Variants in RIMS1 observed in about 807,000 individuals in gnomAD.
The protein encoded by RIMS1 is regulating synaptic membrane exocytosis protein 1.
Under a neutral mutation model 214.1 loss-of-function variants are expected in RIMS1, and 83 were observed. That is an observed-to-expected ratio of 0.39 (90% CI 0.32 to 0.47). RIMS1 has a LOEUF of 0.47. RIMS1 is among the 20% of genes least tolerant of loss of function. The pLI, the probability that RIMS1 is intolerant of heterozygous loss-of-function variation, is 0.99. For missense variants in RIMS1, 2,050 were observed against 2,161.8 expected (o/e 0.95, Z 1.03); for synonymous variants, 793 against 786.8 (o/e 1.01, Z -0.13).
intron 19 of RIMS1, chr6:72,263,834 C>T: frequency 2.4e-6 from 1 of 425,310 alleles, no homozygotes; most frequent in Non-Finnish European, 3.1e-6. Context: ...CACACACACA[C>T]ACACACAAAT....
At chr6:72,281,649 T>C (rs797014213) in intron 23 of RIMS1, among the ~76,000 whole-genome samples, 4 of 152,034 alleles carry the variant, frequency 2.6e-5, no homozygotes, top group Admixed American at 2.6e-4. Flanking sequence ...ACCCCTGCCT[T>C]CTTATTATTT....
At chr6:72,188,966 C>T (rs2049596014) in intron 6 of RIMS1, among the ~76,000 whole-genome samples, 1 of 152,202 alleles carries the variant, frequency 6.6e-6, no homozygotes, top group Admixed American at 6.5e-5. Context: ...GCAATATTAA[C>T]TTACAGTTTA....
rs199944879 is a variant in RIMS1, at chr6:72,347,574, T to TA, written c.4366+13745dup. 9.4e-3 allele frequency among the ~76,000 whole-genome samples: 1,360 copies of TA among 144,082 alleles called. 7 individuals carry two copies. The highest frequency in any genetic ancestry group is 0.016 in the Non-Finnish European group (990 of 62,802). 94.5% of individuals were successfully genotyped at this position (144,082 alleles called of 152,430 possible). On this transcript the variant is annotated intron_variant, in intron 29 of 33. Transcript: ENST00000521978. The stretch of plus-strand genomic sequence containing the variant: ...TGTGATGTATGTAACAGAAAAATAG[T>TA]AAAAAATGTCCACTTTTATTTGACA...
intron 1 of RIMS1, among the ~76,000 whole-genome samples, chr6:71,889,467 A>G (rs1224937638): frequency 6.6e-6 from 1 of 152,208 alleles, no homozygotes; most frequent in African/African-American, 2.4e-5. Context: ...ATATCACTGT[A>G]TATGATGCTG....
At chr6:71,913,373 G>T (rs1777476046) in intron 1 of RIMS1, among the ~76,000 whole-genome samples, 1 of 152,132 alleles carries the variant, frequency 6.6e-6, no homozygotes, top group African/African-American at 2.4e-5. Flanking sequence ...AATGTATTTT[G>T]ACAGACACTA....
intron 6 of RIMS1, chr6:72,213,320 T>G (rs1174936070): frequency 1.8e-6 from 2 of 1,137,910 alleles, no homozygotes; most frequent in Admixed American, 2.8e-5. Flanking sequence ...AGTCAAAATA[T>G]TTCTATTCTC....
chr6:72,065,064 A>G (rs1372684471), intron 2 of RIMS1, among the ~76,000 whole-genome samples: 1 of 152,210 alleles, frequency 6.6e-6, no homozygotes, highest in Non-Finnish European at 1.5e-5. Context: ...AATCTAAATT[A>G]TGGTGATATG....
intron 6 of RIMS1, among the ~76,000 whole-genome samples, chr6:72,184,643 C>T (rs1343616937): frequency 6.6e-6 from 1 of 151,898 alleles, no homozygotes; most frequent in Non-Finnish European, 1.5e-5. Context: ...TAAAAAATGT[C>T]AAAAGTAGAA....
chr6:71,964,091 G>A (rs1386550799), intron 1 of RIMS1, among the ~76,000 whole-genome samples: 1 of 152,148 alleles, frequency 6.6e-6, no homozygotes, highest in African/African-American at 2.4e-5. Context: ...GTGGTGAGGG[G>A]AGCAGATTGT....
chr6:72,131,906 A>C (rs1441423341), intron 4 of RIMS1, among the ~76,000 whole-genome samples: 5 of 152,160 alleles, frequency 3.3e-5, no homozygotes. Context: ...TTCCTTGCTG[A>C]GAAAAACAAT....
chr6:72,298,786 A>G (rs2094343222), intron 26 of RIMS1, among the ~76,000 whole-genome samples: 1 of 151,806 alleles, frequency 6.6e-6, no homozygotes, highest in Non-Finnish European at 1.5e-5. Flanking sequence ...TATTGACCCA[A>G]TTTTGCAGCA....
intron 2 of RIMS1, among the ~76,000 whole-genome samples, chr6:72,077,091 G>A (rs1255970676): frequency 6.6e-6 from 1 of 152,106 alleles, no homozygotes; most frequent in African/African-American, 2.4e-5. Context: ...CTTTGCACGG[G>A]CTGCTCCATC....
chr6:72,232,924 A>T lies in RIMS1; in HGVS notation c.1679-849A>T, dbSNP rs530059022. ...AGCTCATTATTAACTAGCATGCTTT[A>T]CTCACTTTATGTTTTTCTCTTTCAA... On this transcript the variant is annotated intron_variant, in intron 6 of 33. Transcript: ENST00000521978. Among the ~76,000 whole-genome samples, 128 of 151,904 alleles carry T rather than the reference A, an allele frequency of 8.4e-4. 1 individual carries two copies. The highest frequency in any genetic ancestry group is 5.0e-3 in the South Asian group (24 of 4,828).
At chr6:72,096,097 T>C (rs2031554720) in intron 2 of RIMS1, among the ~76,000 whole-genome samples, 1 of 152,204 alleles carries the variant, frequency 6.6e-6, no homozygotes, top group African/African-American at 2.4e-5. Flanking sequence ...TTTAATCACA[T>C]TAAATGTGAA....
intron 2 of RIMS1, among the ~76,000 whole-genome samples, chr6:72,044,018 T>G (rs1350710824): frequency 6.6e-6 from 1 of 151,538 alleles, no homozygotes; most frequent in African/African-American, 2.4e-5. Flanking sequence ...AATATATTAT[T>G]AAAAATTTAT....
chr6:72,006,587 G>A (rs901418603), intron 2 of RIMS1, among the ~76,000 whole-genome samples: 9 of 152,184 alleles, frequency 5.9e-5, no homozygotes, highest in Admixed American at 3.3e-4. Context: ...AAGGAAAGGG[G>A]TGACAGATGG....
chr6:72,027,495 T>G (rs1206348642), intron 2 of RIMS1, among the ~76,000 whole-genome samples: 1 of 152,134 alleles, frequency 6.6e-6, no homozygotes, highest in Non-Finnish European at 1.5e-5. Flanking sequence ...CAAAGCAGAT[T>G]TATTATTTGC....
chr6:72,073,375 G>T (rs1035040930), intron 2 of RIMS1, among the ~76,000 whole-genome samples: 1 of 152,094 alleles, frequency 6.6e-6, no homozygotes, highest in Non-Finnish European at 1.5e-5. Context: ...ATACTTGAAG[G>T]TTAAAACTGA....
At chr6:72,043,433 T>C (rs1822030653) in intron 2 of RIMS1, among the ~76,000 whole-genome samples, 1 of 151,880 alleles carries the variant, frequency 6.6e-6, no homozygotes, top group Non-Finnish European at 1.5e-5. Flanking sequence ...GGAAAGTTCC[T>C]GATGACCTGT....
Sources: allele counts gnomAD v4.1 joint callset (sites outside exome capture counted in the v4.1 genomes callset), GRCh38; gene constraint gnomAD v4.1.1; transcripts MANE v1.5; gene names NCBI Gene and HGNC (gene_info 2026-07-23, HGNC 2026-07-21).